The following VCAN variants were observed in gnomAD, a reference collection of about 807,000 sequenced individuals.
VCAN encodes versican.
Under a neutral mutation model 245.5 loss-of-function variants are expected in VCAN, and 44 were observed. The observed-to-expected ratio is 0.18, with a 90% CI of 0.14 to 0.23. VCAN has a LOEUF of 0.23. Among genes scored for constraint, VCAN ranks in the 10% least tolerant of loss-of-function variants. The probability of loss-of-function intolerance (pLI) is 1.00; values close to 1 mark genes in which losing one functional copy is unlikely to be tolerated. For missense variants in VCAN, 3,793 were observed against 4,057.9 expected (o/e 0.93, Z 1.77); for synonymous variants, 1,413 against 1,437.0 (o/e 0.98, Z 0.38).
At chr5:83,557,914 C>G (rs564704678) in intron 12 of VCAN, among the ~76,000 whole-genome samples, 1 of 152,240 alleles carries the variant, frequency 6.6e-6, no homozygotes, top group South Asian at 2.1e-4. Context: ...CAAAGTTTAT[C>G]AAAGAAATGA....
In VCAN at chr5:83,521,583, A is replaced by C. The variant is rs750607078; in HGVS notation, c.3277A>C (p.Thr1093Pro). The change falls in exon 7 of 15, where the codon ACT becomes CCT. Residue 1093 changes from threonine to proline, a missense_variant. Coordinates refer to ENST00000265077, the MANE Select transcript of VCAN (RefSeq NM_004385.5). ...TGAGAGGGTCCCAGTTTTAGAAACA[A>C]CTCCAGTTGGAAAAATTGATCACAG... ...GSERVPVLET[T>P]PVGKIDHSVS... The C allele has an allele frequency of 2.5e-6, 4 of 1,614,016 alleles. No individual in the cohort carries two copies. In the South Asian group the frequency reaches 3.3e-5, roughly 13 times the overall value.
At chr5:83,506,122 C>T (rs1033112076) in intron 5 of VCAN, among the ~76,000 whole-genome samples, 2 of 152,198 alleles carry the variant, frequency 1.3e-5, no homozygotes, top group African/African-American at 4.8e-5. Context: ...TCTGACATGG[C>T]CTGAAGACAT....
At position 83,520,159 on chromosome 5, in the gene VCAN, C is replaced by T; in HGVS notation, c.1853C>T (p.Ser618Phe). 6.2e-7 allele frequency: 1 copy of T among 1,614,020 alleles called. No individual in the cohort carries two copies. The highest frequency in any genetic ancestry group is 2.2e-5 in the East Asian group (1 of 44,866). Residue 618 changes from serine to phenylalanine, a missense_variant, in exon 7 of 15, where the codon TCC (serine) becomes TTC (phenylalanine). Physicochemically the swap from Ser to Phe is radical, Grantham distance 155. Around this residue, in one of 5 missense-constraint regions of VCAN, gnomAD observed 3,182 missense variants for 3,250.3 expected, o/e 0.98. Coordinates refer to ENST00000265077, the MANE Select transcript of VCAN (RefSeq NM_004385.5). ...ATTATGCCTGATAATAATGGATCAT[C>T]CATGGATGACTGGGAAGAGAGACAA... ...PLIMPDNNGSSMDDWEERQTS... is the reference protein window; with the variant it reads ...PLIMPDNNGSFMDDWEERQTS...
chr5:83,530,218 C>T (rs1423993336), intron 7 of VCAN, among the ~76,000 whole-genome samples: 1 of 150,810 alleles, frequency 6.6e-6, no homozygotes, highest in Non-Finnish European at 1.5e-5. Flanking sequence ...TTGATAACTA[C>T]CAATTTAATT....
intron 9 of VCAN, among the ~76,000 whole-genome samples, chr5:83,547,682 G>T (rs1747287204): frequency 6.6e-6 from 1 of 152,066 alleles, no homozygotes; most frequent in African/African-American, 2.4e-5. Context: ...GGAGACAATG[G>T]CCCTACTCTG....
intron 7 of VCAN, among the ~76,000 whole-genome samples, chr5:83,532,233 C>T (rs1043689927): frequency 2.2e-4 from 34 of 151,912 alleles, no homozygotes; most frequent in African/African-American, 7.7e-4. Flanking sequence ...TCTCTAATAA[C>T]GTGTGTGGTG....
intron 6 of VCAN, among the ~76,000 whole-genome samples, chr5:83,514,364 C>T (rs980006866): frequency 1.3e-5 from 2 of 151,792 alleles, no homozygotes; most frequent in East Asian, 3.8e-4. Context: ...TTTCTTAAAC[C>T]ACACATAATG....
chr5:83,521,670 C>G lies in VCAN; in HGVS notation c.3364C>G (p.Leu1122Val), dbSNP rs1746106862. 9 of 1,613,856 alleles carry G rather than the reference C, an allele frequency of 5.6e-6. No individual in the cohort carries two copies. Among genetic ancestry groups the G allele is most frequent in the Non-Finnish European group, 7.6e-6 (9 of 1,180,014 alleles). ...HKVKTDEVVTLTPRIGPKVSL... is the reference protein window; with the variant it reads ...HKVKTDEVVTVTPRIGPKVSL... Reference sequence around the variant, plus strand: ...AGTGAAAACAGATGAAGTGGTAACACTAACACCACGCATTGGGCCAAAAGT... The same window carrying G: ...AGTGAAAACAGATGAAGTGGTAACAGTAACACCACGCATTGGGCCAAAAGT... Residue 1122 changes from leucine to valine, a missense_variant, in exon 7 of 15, where the codon CTA (leucine) becomes GTA (valine). By Grantham distance (32) the Leu-to-Val change is conservative. Around this residue, in one of 5 missense-constraint regions of VCAN, gnomAD observed 3,182 missense variants for 3,250.3 expected, o/e 0.98. Coordinates refer to ENST00000265077, the MANE Select transcript of VCAN (RefSeq NM_004385.5).
intron 13 of VCAN, among the ~76,000 whole-genome samples, chr5:83,573,383 CCTTGGTTGGGG>C (rs1188596260): frequency 2.0e-5 from 3 of 151,958 alleles, no homozygotes; most frequent in African/African-American, 7.3e-5. Context: ...CACTGCCCTC[CCTTGGTTGGGG>C]CTGCAATCTC....
intron 13 of VCAN, among the ~76,000 whole-genome samples, chr5:83,578,024 T>C (rs1748542133): frequency 6.6e-6 from 1 of 152,224 alleles, no homozygotes; most frequent in Admixed American, 6.5e-5. Flanking sequence ...AATTATTGAA[T>C]TGATCATTTT....
At chr5:83,516,003 T>C (rs977580288) in intron 6 of VCAN, among the ~76,000 whole-genome samples, 17 of 152,286 alleles carry the variant, frequency 1.1e-4, no homozygotes, top group South Asian at 8.3e-4. Context: ...GAGGCCAAGG[T>C]GGGCGGATCA....
intron 7 of VCAN, among the ~76,000 whole-genome samples, chr5:83,528,989 TACACACACAC>T (rs58804437): frequency 0.024 from 3,411 of 141,500 alleles, 136 homozygotes; most frequent in East Asian, 0.15. Flanking sequence ...GAAACAAAGA[TACACACACAC>T]ACACACACAC....
intron 7 of VCAN, among the ~76,000 whole-genome samples, chr5:83,532,157 C>G (rs969416290): frequency 6.6e-6 from 1 of 152,012 alleles, no homozygotes; most frequent in Admixed American, 6.6e-5. Flanking sequence ...CACAGGTGTA[C>G]CCCCCAACCC....
At position 83,540,442 on chromosome 5, in the gene VCAN, A is replaced by T. The variant is rs538228734; in HGVS notation, c.7439A>T (p.Asp2480Val). The T allele has an allele frequency of 6.7e-5, 108 of 1,614,016 alleles. 2 individuals carry two copies. In the South Asian group the frequency reaches 1.1e-3, roughly 17 times the overall value. The change falls in exon 8 of 15, where the codon GAT becomes GTT. Residue 2480 changes from aspartate to valine, a missense_variant. Physicochemically the swap from Asp to Val is radical, Grantham distance 152. Transcript: ENST00000265077. ...CCAAGCGCTAAAGCTGTTACTGCTG[A>T]TGGATTCCCAACAGTTTCAGTGATG... is the stretch of plus-strand genomic sequence containing the variant. ...EVPSAKAVTA[D>V]GFPTVSVMLP...
chr5:83,539,651 A>T lies in VCAN; in HGVS notation c.6648A>T (p.Ile2216=). The T allele has an allele frequency of 6.2e-7, 1 of 1,613,978 alleles. No individual in the cohort carries two copies. Among genetic ancestry groups the T allele is most frequent in the Non-Finnish European group, 8.5e-7 (1 of 1,179,986 alleles). Residue 2216 remains isoleucine (I), a synonymous_variant, in exon 8 of 15, where the codon ATA becomes ATT. Transcript: ENST00000265077. ...CTACTGCATTAGTAACTGAATCTATACCAGCTGAACATGTAGTCACAGATT... is the reference window on the plus strand; with the variant it reads ...CTACTGCATTAGTAACTGAATCTATTCCAGCTGAACATGTAGTCACAGATT... The part of the protein sequence containing the change: ...FLATALVTES[I]PAEHVVTDSP...
rs771345381 is a variant in VCAN at position 83,541,474 on chromosome 5, C to T, written c.8471C>T (p.Thr2824Ile). ...VSTFAKLSSQ[T>I]PSSPLTIYSG... is the part of the protein sequence containing the mutation. ...ACATTTGCGAAGTTGTCTTCTCAGA[C>T]ACCATCATCTCCCCTCACTATCTAC... The change falls in exon 8 of 15, where the codon ACA (threonine) becomes ATA (isoleucine). Residue 2824 changes from threonine (T) to isoleucine (I), a missense_variant. Physicochemically the swap from Thr to Ile is moderately conservative, Grantham distance 89. This residue lies in a region of VCAN where 3,182 missense variants were observed against 3,250.3 expected (regional missense o/e 0.98). Transcript: ENST00000265077. The T allele has an allele frequency of 1.2e-6, 2 of 1,614,072 alleles. No homozygotes were observed. Among genetic ancestry groups the T allele is most frequent in the South Asian group, 1.1e-5 (1 of 91,082 alleles).
Position 83,539,526 on chromosome 5 carries a change from A to G in VCAN, c.6523A>G (p.Thr2175Ala). 1 of 1,614,036 alleles carries G rather than the reference A, an allele frequency of 6.2e-7. No homozygotes were observed. Among genetic ancestry groups the G allele is most frequent in the East Asian group, 2.2e-5 (1 of 44,840 alleles). ...SDDKEMKEEDTSLVNMSTPDP... is the reference protein window; with the variant it reads ...SDDKEMKEEDASLVNMSTPDP... ...TGATAAAGAAATGAAGGAGGAAGAC[A>G]CTTCTTTAGTTAACATGTCTACTCC... Residue 2175 changes from threonine (T) to alanine (A), a missense_variant, in exon 8 of 15, where the codon ACT (threonine) becomes GCT (alanine). Thr to Ala is a moderately conservative substitution (Grantham distance 58). This residue lies in a region of VCAN where 3,182 missense variants were observed against 3,250.3 expected (regional missense o/e 0.98). Coordinates refer to ENST00000265077, the MANE Select transcript of VCAN (RefSeq NM_004385.5).
rs963784989 is a variant in VCAN at position 83,511,710 on chromosome 5, T to A, written c.749-393T>A. Among the ~76,000 whole-genome samples the A allele has an allele frequency of 2.0e-5, 3 of 152,162 alleles. No individual in the cohort carries two copies. The East Asian group carries it at 5.8e-4, about 29-fold the overall frequency. On this transcript the variant is annotated intron_variant, in intron 5 of 14. Coordinates refer to ENST00000265077, the MANE Select transcript of VCAN (RefSeq NM_004385.5). ...GTGGCAGTTCAATGCAAGGTTTCCC[T>A]TCCAATATGCAATGTTAGGAAGCAC...
intron 10 of VCAN, among the ~76,000 whole-genome samples, chr5:83,549,913 C>T (rs1747395233): frequency 6.6e-6 from 1 of 152,162 alleles, no homozygotes; most frequent in Admixed American, 6.5e-5. Context: ...GTTGTCTAAA[C>T]AATTTTCTAT....
Sources: gnomAD v4.1 joint callset for allele counts (sites outside exome capture counted in the v4.1 genomes callset) on GRCh38, gnomAD v4.1.1 for gene constraint, gnomAD v4.1.1 regional missense constraint, MANE v1.5 for transcripts, NCBI Gene and HGNC (gene_info 2026-07-23, HGNC 2026-07-21) for gene names.